The following OLA1 variants were observed in gnomAD, a reference collection of about 807,000 sequenced individuals.
OLA1 encodes Obg like ATPase 1.
Under a neutral mutation model 48.4 loss-of-function variants are expected in OLA1, and 14 were observed. The ratio of observed to expected loss-of-function variants is 0.29; its 90% CI spans 0.19 to 0.45. OLA1 has a LOEUF of 0.45. OLA1 is among the 20% of genes least tolerant of loss of function. The pLI is 1.00. For missense variants in OLA1, 325 were observed against 467.1 expected (o/e 0.70, Z 2.80); for synonymous variants, 127 against 150.4 (o/e 0.84, Z 1.14).
At chr2:174,237,629 G>A (rs1461167181) in intron 2 of OLA1, among the ~76,000 whole-genome samples, 2 of 152,110 alleles carry the variant, frequency 1.3e-5, no homozygotes, top group African/African-American at 4.8e-5. Context: ...GCGTGTGCCT[G>A]TAGTCACAGC....
In OLA1 at chr2:174,186,329, G is replaced by A. The variant is rs545000739; in HGVS notation, c.373+36704C>T. ...GAAATAAGCTTGACAAGATAAGGTT[G>A]AACTCCATAATCCAAAAATCTGAAA... is the stretch of plus-strand genomic sequence containing the variant. On this transcript the variant is annotated intron_variant, in intron 4 of 10. Transcript: ENST00000284719. 1.9e-3 allele frequency among the ~76,000 whole-genome samples: 284 copies of A among 152,238 alleles called. 1 individual carries two copies. The highest frequency in any genetic ancestry group is 6.5e-3 in the African/African-American group (272 of 41,542).
chr2:174,113,090 G>A (rs1042176077), intron 7 of OLA1, among the ~76,000 whole-genome samples: 6 of 151,934 alleles, frequency 3.9e-5, no homozygotes, highest in South Asian at 2.1e-4. Context: ...ACAGGTGCCC[G>A]CCACCAAGCC....
At chr2:174,099,138 G>A (rs1210186636) in intron 7 of OLA1, among the ~76,000 whole-genome samples, 1 of 151,864 alleles carries the variant, frequency 6.6e-6, no homozygotes, top group African/African-American at 2.4e-5. Flanking sequence ...GCGTATTTGA[G>A]TTTGACTTTG....
chr2:174,218,905 C>T (rs1688424852), intron 4 of OLA1, among the ~76,000 whole-genome samples: 2 of 151,874 alleles, frequency 1.3e-5, no homozygotes, highest in East Asian at 1.9e-4. Context: ...ATTGCAGCCT[C>T]GAACTCTTGA....
chr2:174,198,066 C>T (rs1037499712), intron 4 of OLA1, among the ~76,000 whole-genome samples: 11 of 152,156 alleles, frequency 7.2e-5, no homozygotes, highest in East Asian at 1.9e-4. Context: ...CAGGTTCAAG[C>T]GATTCTCCTG....
At chr2:174,150,155 G>A (rs1686710227) in intron 4 of OLA1, among the ~76,000 whole-genome samples, 1 of 152,232 alleles carries the variant, frequency 6.6e-6, no homozygotes, top group Admixed American at 6.5e-5. Context: ...TCTGGGAAGT[G>A]ACTGGGTCAT....
chr2:174,219,208 C>G (rs1424240764), intron 4 of OLA1, among the ~76,000 whole-genome samples: 2 of 150,454 alleles, frequency 1.3e-5, no homozygotes, highest in Non-Finnish European at 3.0e-5. Context: ...TTTGGCAGGC[C>G]AAGGCGGAGG....
intron 5 of OLA1, among the ~76,000 whole-genome samples, chr2:174,141,232 A>G (rs116477546): frequency 0.064 from 9,818 of 152,322 alleles, 451 homozygotes; most frequent in Non-Finnish European, 0.1. Flanking sequence ...ACGCCTGGCC[A>G]GGGCACCGTT....
intron 2 of OLA1, among the ~76,000 whole-genome samples, chr2:174,243,363 A>C (rs922823445): frequency 2.0e-5 from 3 of 152,170 alleles, no homozygotes; most frequent in Non-Finnish European, 4.4e-5. Context: ...CGGGAGATTT[A>C]GGCTGCAGTG....
At chr2:174,220,882 G>C (rs1232139630) in intron 4 of OLA1, among the ~76,000 whole-genome samples, 1 of 152,058 alleles carries the variant, frequency 6.6e-6, no homozygotes, top group Non-Finnish European at 1.5e-5. Flanking sequence ...ACTTTCGGAT[G>C]TTCTAATAGA....
At chr2:174,084,304 T>C (rs1684920876) in intron 7 of OLA1, among the ~76,000 whole-genome samples, 1 of 152,162 alleles carries the variant, frequency 6.6e-6, no homozygotes, top group Non-Finnish European at 1.5e-5. Context: ...ATAGCCTCAC[T>C]AAAAGAAAAA....
At chr2:174,134,329 T>C (rs1686251868) in intron 5 of OLA1, among the ~76,000 whole-genome samples, 1 of 152,232 alleles carries the variant, frequency 6.6e-6, no homozygotes. Flanking sequence ...AATAACTGTA[T>C]ATGTTTATGG....
At chr2:174,080,778 G>A (rs116858698) in intron 9 of OLA1, 2,465 of 175,048 alleles carry the variant, frequency 0.014, 37 homozygotes, top group South Asian at 0.063. Flanking sequence ...AGAACCACCC[G>A]CAACCCAAAC....
At chr2:174,087,902 T>C (rs1176032033) in intron 7 of OLA1, among the ~76,000 whole-genome samples, 1 of 152,210 alleles carries the variant, frequency 6.6e-6, no homozygotes, top group African/African-American at 2.4e-5. Context: ...ATTAGGACAT[T>C]CTCAAATCTG....
At chr2:174,244,485 G>T (rs1248898498) in intron 2 of OLA1, among the ~76,000 whole-genome samples, 1 of 151,966 alleles carries the variant, frequency 6.6e-6, no homozygotes, top group Non-Finnish European at 1.5e-5. Flanking sequence ...TAGCTGCAGG[G>T]GATTGGTTCT....
chr2:174,096,056 G>C (rs1685248491), intron 7 of OLA1, among the ~76,000 whole-genome samples: 1 of 152,090 alleles, frequency 6.6e-6, no homozygotes, highest in Non-Finnish European at 1.5e-5. Context: ...TTATAATTAA[G>C]AAGACAGACA....
intron 7 of OLA1, among the ~76,000 whole-genome samples, chr2:174,096,981 C>T (rs1685270661): frequency 6.6e-6 from 1 of 152,088 alleles, no homozygotes; most frequent in Non-Finnish European, 1.5e-5. Context: ...CATGGCGAAA[C>T]CCCGTCTCTA....
intron 5 of OLA1, among the ~76,000 whole-genome samples, chr2:174,133,221 C>T (rs1280112120): frequency 2.0e-5 from 3 of 152,048 alleles, no homozygotes; most frequent in Non-Finnish European, 4.4e-5. Flanking sequence ...ATGGTTCGTT[C>T]GATTTAAGAT....
intron 7 of OLA1, among the ~76,000 whole-genome samples, chr2:174,103,176 CAT>C (rs1685435451): frequency 6.9e-6 from 1 of 144,136 alleles, no homozygotes; most frequent in African/African-American, 2.6e-5. Context: ...GATATATAAT[CAT>C]GTGTACATGT....
Sources: allele counts gnomAD v4.1 joint callset (sites outside exome capture counted in the v4.1 genomes callset), GRCh38; gene constraint gnomAD v4.1.1; transcripts MANE v1.5; gene names NCBI Gene and HGNC (gene_info 2026-07-23, HGNC 2026-07-21).